The following SEZ6L variants were observed in gnomAD, a reference collection of about 807,000 sequenced individuals.
SEZ6L encodes the protein seizure related 6 homolog like, also known as seizure 6-like protein.
A neutral mutation model predicts 106.2 loss-of-function variants in SEZ6L; 37 were observed. That is an observed-to-expected ratio of 0.35 (90% CI 0.27 to 0.46). SEZ6L has a LOEUF of 0.46. Ranked by LOEUF, SEZ6L falls within the 20% of genes least tolerant of loss-of-function variation. SEZ6L has a pLI of 1.00. For synonymous variants in SEZ6L, 541 were observed against 570.4 expected (o/e 0.95, Z 0.73); for missense variants, 1,172 against 1,332.8 (o/e 0.88, Z 1.88).
At chr22:26,247,474 T>C (rs780880465) in intron 1 of SEZ6L, among the ~76,000 whole-genome samples, 2 of 151,970 alleles carry the variant, frequency 1.3e-5, no homozygotes, top group Non-Finnish European at 2.9e-5. Context: ...CCTAAGAAGG[T>C]CATGTGGAAG....
intron 1 of SEZ6L, among the ~76,000 whole-genome samples, chr22:26,221,296 C>A (rs1295523423): frequency 6.6e-6 from 1 of 152,068 alleles, no homozygotes; most frequent in African/African-American, 2.4e-5. Context: ...TTCCTCCAAT[C>A]TAATTTCCAA....
At chr22:26,293,272 C>A in intron 2 of SEZ6L, 126 bp downstream of exon 2, 1 of 1,318,558 alleles carries the variant, frequency 7.6e-7, no homozygotes. Context: ...CCATTGAGCA[C>A]TGACTATGAG....
intron 1 of SEZ6L, among the ~76,000 whole-genome samples, chr22:26,203,521 A>G (rs1244346739): frequency 1.3e-5 from 2 of 152,044 alleles, no homozygotes; most frequent in Non-Finnish European, 2.9e-5. Context: ...ATTCATTTGG[A>G]TTTATCATTT....
chr22:26,183,050 A>G (rs1353778551), intron 1 of SEZ6L, among the ~76,000 whole-genome samples: 1 of 152,194 alleles, frequency 6.6e-6, no homozygotes, highest in Non-Finnish European at 1.5e-5. Flanking sequence ...CTGAGAAGGA[A>G]ACAAACTCCT....
chr22:26,179,052 T>A (rs1939212772), intron 1 of SEZ6L, among the ~76,000 whole-genome samples: 1 of 151,900 alleles, frequency 6.6e-6, no homozygotes, highest in African/African-American at 2.4e-5. Context: ...ATTGATTAGG[T>A]CATGAAAGTA....
At chr22:26,340,035 G>A (rs1222169885) in intron 9 of SEZ6L, among the ~76,000 whole-genome samples, 2 of 152,088 alleles carry the variant, frequency 1.3e-5, no homozygotes, top group African/African-American at 2.4e-5. Context: ...AGGATTTGGA[G>A]ACCAGCCTGG....
At position 26,369,209 on chromosome 22, in the gene SEZ6L, TTAAC is replaced by T. The variant is rs771421815; in HGVS notation, c.2794+3648_2794+3651del. 5.3e-5 allele frequency among the ~76,000 whole-genome samples: 8 copies of T among 151,810 alleles called. No individual in the cohort carries two copies. The East Asian group carries it at 9.7e-4, about 18-fold the overall frequency. On this transcript the variant is annotated intron_variant, in intron 13 of 16. Coordinates refer to ENST00000248933, the MANE Select transcript of SEZ6L (RefSeq NM_021115.5). The stretch of plus-strand genomic sequence containing the variant: ...TCTAAAGCAGGACCCAGGGACCAGT[TTAAC>T]TAACCACACAGGTGAATTGTATCAT...
At chr22:26,319,570 C>T (rs1440970647) in intron 9 of SEZ6L, among the ~76,000 whole-genome samples, 2 of 152,188 alleles carry the variant, frequency 1.3e-5, no homozygotes, top group Non-Finnish European at 2.9e-5. Flanking sequence ...CTTTGCACTG[C>T]TGTCTCCCCT....
intron 1 of SEZ6L, among the ~76,000 whole-genome samples, chr22:26,173,735 G>A (rs992421019): frequency 6.6e-6 from 1 of 152,280 alleles, no homozygotes; most frequent in Admixed American, 6.5e-5. Flanking sequence ...AGCTCAGGGC[G>A]CCAACAGACT....
intron 1 of SEZ6L, among the ~76,000 whole-genome samples, chr22:26,189,767 G>A (rs1038968717): frequency 1.3e-5 from 2 of 152,096 alleles, no homozygotes; most frequent in African/African-American, 2.4e-5. Flanking sequence ...ACTGGCAGAC[G>A]ACTGTAATAT....
intron 1 of SEZ6L, among the ~76,000 whole-genome samples, chr22:26,288,357 G>A (rs1362726170): frequency 6.6e-6 from 1 of 152,122 alleles, no homozygotes; most frequent in African/African-American, 2.4e-5. Context: ...ACCCACCCCT[G>A]GAGATTCAGA....
chr22:26,258,611 A>G (rs2079901237), intron 1 of SEZ6L, among the ~76,000 whole-genome samples: 1 of 152,212 alleles, frequency 6.6e-6, no homozygotes, highest in African/African-American at 2.4e-5. Flanking sequence ...TTGGGGTACA[A>G]TGATATTACA....
rs771421833 is a variant in SEZ6L at position 26,256,552 on chromosome 22, C to G, written c.95-35854C>G. 3.3e-4 allele frequency among the ~76,000 whole-genome samples: 50 copies of G among 152,182 alleles called. 1 individual carries two copies. The highest frequency in any genetic ancestry group is 6.0e-4 in the Non-Finnish European group (41 of 68,036). On this transcript the variant is annotated intron_variant, in intron 1 of 16. Transcript: ENST00000248933. ...AAAGACACAGATGCCTCAGTGCCAC[C>G]CCAAAGAGGCTGATGCAGTGGGCTG... is the stretch of plus-strand genomic sequence containing the variant.
chr22:26,327,086 A>T (rs1240670565), intron 9 of SEZ6L, among the ~76,000 whole-genome samples: 1 of 152,060 alleles, frequency 6.6e-6, no homozygotes, highest in Non-Finnish European at 1.5e-5. Context: ...AATGGCAGGA[A>T]GCGGCGACCC....
chr22:26,255,424 A>G (rs1272258137), intron 1 of SEZ6L, among the ~76,000 whole-genome samples: 2 of 152,188 alleles, frequency 1.3e-5, no homozygotes, highest in Non-Finnish European at 2.9e-5. Flanking sequence ...TGAGATTTCA[A>G]AGTGGTGTCT....
At chr22:26,193,650 T>TTTCTTTC (rs1468444321) in intron 1 of SEZ6L, among the ~76,000 whole-genome samples, 2 of 152,212 alleles carry the variant, frequency 1.3e-5, no homozygotes, top group Non-Finnish European at 2.9e-5. Context: ...GTGCAAATCT[T>TTTCTTTC]TTCTTTCTTT....
chr22:26,348,276 A>G (rs1379531524), intron 11 of SEZ6L, among the ~76,000 whole-genome samples: 2 of 151,838 alleles, frequency 1.3e-5, no homozygotes, highest in African/African-American at 4.8e-5. Context: ...TGGGAGGATC[A>G]CTTGAGCCCA....
chr22:26,180,355 C>T (rs1241719763), intron 1 of SEZ6L, among the ~76,000 whole-genome samples: 3 of 152,210 alleles, frequency 2.0e-5, no homozygotes, highest in Non-Finnish European at 2.9e-5. Context: ...ATCATTGTAA[C>T]TATCTGTTGA....
At chr22:26,187,089 C>T (rs537641601) in intron 1 of SEZ6L, among the ~76,000 whole-genome samples, 30 of 152,316 alleles carry the variant, frequency 2.0e-4, no homozygotes, top group African/African-American at 7.2e-4. Context: ...TGTTTTCATG[C>T]TGCTATGAAG....
Sources: gnomAD v4.1 joint callset for allele counts (sites outside exome capture counted in the v4.1 genomes callset) on GRCh38, gnomAD v4.1.1 for gene constraint, MANE v1.5 for transcripts, NCBI Gene and HGNC (gene_info 2026-07-23, HGNC 2026-07-21) for gene names.